Variants in SUCLG2 observed in about 807,000 individuals in gnomAD.
SUCLG2 encodes succinate--CoA ligase [GDP-forming] subunit beta, mitochondrial.
Under a neutral mutation model 47.9 loss-of-function variants are expected in SUCLG2, and 42 were observed. The observed-to-expected ratio is 0.88, with a 90% confidence interval of 0.69 to 1.14. The LOEUF (loss-of-function observed/expected upper bound fraction) is 1.14. SUCLG2 is among the 50% of genes most tolerant of loss of function. The probability of loss-of-function intolerance (pLI) is 0.00; values close to 1 mark genes in which losing one functional copy is unlikely to be tolerated. For missense variants in SUCLG2, 571 were observed against 525.9 expected (o/e 1.09, Z -0.84); for synonymous variants, 195 against 197.3 (o/e 0.99, Z 0.10).
chr3:67,537,156 C>G lies in SUCLG2; in HGVS notation c.227-7970G>C, dbSNP rs1706567227. Among the ~76,000 whole-genome samples the G allele has an allele frequency of 2.0e-5, 3 of 152,114 alleles. No individual in the cohort carries two copies. In the South Asian group the frequency reaches 6.2e-4, roughly 31 times the overall value. ...TTTGCTGCACCCATCAACCAGTCAT[C>G]TACCTTAGATATTTCTCCTAATTTT... On this transcript the variant is annotated intron_variant, in intron 2 of 10. Transcript: ENST00000307227.
At chr3:67,506,401 A>C (rs1705639983) in intron 7 of SUCLG2, among the ~76,000 whole-genome samples, 1 of 152,230 alleles carries the variant, frequency 6.6e-6, no homozygotes, top group Non-Finnish European at 1.5e-5. Context: ...TAATAACTAA[A>C]GATAATTTTG....
intron 6 of SUCLG2, among the ~76,000 whole-genome samples, chr3:67,510,663 T>A (rs1014221905): frequency 1.3e-5 from 2 of 152,238 alleles, no homozygotes; most frequent in African/African-American, 4.8e-5. Context: ...ATCTTTTTAA[T>A]TGACTAAATA....
chr3:67,653,724 G>A (rs2107393376), intron 1 of SUCLG2, among the ~76,000 whole-genome samples: 1 of 152,336 alleles, frequency 6.6e-6, no homozygotes, highest in South Asian at 2.1e-4. Flanking sequence ...TTCTACAAGA[G>A]TCATCACCAA....
intron 9 of SUCLG2, among the ~76,000 whole-genome samples, chr3:67,467,067 C>T (rs1235851959): frequency 6.6e-6 from 1 of 152,166 alleles, no homozygotes; most frequent in Non-Finnish European, 1.5e-5. Flanking sequence ...ATCGGAACTT[C>T]CACTATGATA....
chr3:67,648,799 C>A (rs1701236687), intron 1 of SUCLG2, among the ~76,000 whole-genome samples: 1 of 152,186 alleles, frequency 6.6e-6, no homozygotes, highest in Non-Finnish European at 1.5e-5. Context: ...CCCTCAACTT[C>A]TCCTGTTCCT....
intron 2 of SUCLG2, among the ~76,000 whole-genome samples, chr3:67,600,645 A>C (rs944226522): frequency 6.6e-6 from 1 of 152,202 alleles, no homozygotes; most frequent in Non-Finnish European, 1.5e-5. Flanking sequence ...CTTTTTCCTA[A>C]GCATGGATTG....
intron 9 of SUCLG2, among the ~76,000 whole-genome samples, chr3:67,478,755 A>G (rs910687942): frequency 3.2e-4 from 48 of 152,352 alleles, no homozygotes; most frequent in African/African-American, 1.1e-3. Context: ...TATTCCATTC[A>G]AAGTACACGA....
At chr3:67,529,208 T>G in intron 2 of SUCLG2, 22 bp from the exon 3 acceptor site, 2 of 1,575,630 alleles carry the variant, frequency 1.3e-6, no homozygotes, top group Non-Finnish European at 8.6e-7. Flanking sequence ...AAATCCAGAG[T>G]TGGTAGCTGA....
downstream of SUCLG2, among the ~76,000 whole-genome samples, chr3:67,371,340 TATGAG>T (rs2106749956): frequency 1.3e-5 from 2 of 152,290 alleles, 1 homozygote; most frequent in South Asian, 4.1e-4. Context: ...AATATGAAAA[TATGAG>T]ATAAGACTGC....
intron 9 of SUCLG2, among the ~76,000 whole-genome samples, chr3:67,488,338 TA>T (rs1490418144): frequency 1.3e-5 from 2 of 152,166 alleles, no homozygotes; most frequent in Non-Finnish European, 2.9e-5. Context: ...CCATCTTTCC[TA>T]ATTCCTAATT....
At chr3:67,546,202 A>G (rs1706859036) in intron 2 of SUCLG2, among the ~76,000 whole-genome samples, 1 of 152,188 alleles carries the variant, frequency 6.6e-6, no homozygotes, top group African/African-American at 2.4e-5. Flanking sequence ...TCTTGGAGTA[A>G]AAGAATACAA....
chr3:67,641,552 T>A (rs1701100723), intron 1 of SUCLG2, among the ~76,000 whole-genome samples: 1 of 152,240 alleles, frequency 6.6e-6, no homozygotes, highest in Non-Finnish European at 1.5e-5. Flanking sequence ...GTTGTCTCAA[T>A]GCAGGGTGGT....
intron 2 of SUCLG2, among the ~76,000 whole-genome samples, chr3:67,551,047 A>G (rs1390408420): frequency 6.6e-6 from 1 of 152,224 alleles, no homozygotes; most frequent in Non-Finnish European, 1.5e-5. Flanking sequence ...AATTTTTGTA[A>G]TAAGTAATCT....
intron 10 of SUCLG2, among the ~76,000 whole-genome samples, chr3:67,365,702 G>A (rs1701865277): frequency 6.6e-6 from 1 of 152,100 alleles, no homozygotes; most frequent in Admixed American, 6.6e-5. Flanking sequence ...TAAAAAATTT[G>A]CAATTTTAAG....
At chr3:67,492,299 G>A (rs550787081) in intron 9 of SUCLG2, among the ~76,000 whole-genome samples, 52 of 152,248 alleles carry the variant, frequency 3.4e-4, no homozygotes, top group Non-Finnish European at 6.8e-4. Flanking sequence ...AAGATGTTTC[G>A]TGTAAGTGAA....
At chr3:67,466,188 A>G (rs753396894) in intron 9 of SUCLG2, among the ~76,000 whole-genome samples, 1 of 152,130 alleles carries the variant, frequency 6.6e-6, no homozygotes, top group Non-Finnish European at 1.5e-5. Flanking sequence ...CTCCGTCTCT[A>G]TCGAAAATAC....
chr3:67,618,897 C>T (rs769258514), intron 1 of SUCLG2, among the ~76,000 whole-genome samples: 2 of 152,184 alleles, frequency 1.3e-5, no homozygotes, highest in Non-Finnish European at 2.9e-5. Context: ...AGAGAAACAA[C>T]ACTTGAGTTA....
chr3:67,505,258 G>A (rs891153436), intron 7 of SUCLG2, among the ~76,000 whole-genome samples: 2 of 152,172 alleles, frequency 1.3e-5, no homozygotes, highest in Non-Finnish European at 2.9e-5. Flanking sequence ...AGCAGGGCTG[G>A]AGAACCAGCA....
intron 2 of SUCLG2, among the ~76,000 whole-genome samples, chr3:67,564,311 T>TC (rs1348960454): frequency 9.9e-5 from 15 of 152,160 alleles, no homozygotes; most frequent in Admixed American, 5.9e-4. Flanking sequence ...TCACTAGCTT[T>TC]CCCCCCTCCC....
Sources: allele counts gnomAD v4.1 joint callset (sites outside exome capture counted in the v4.1 genomes callset), GRCh38; gene constraint gnomAD v4.1.1; transcripts MANE v1.5; gene names NCBI Gene and HGNC (gene_info 2026-07-23, HGNC 2026-07-21).